The following ZNF736 variants were observed in gnomAD, a reference collection of about 807,000 sequenced individuals.
ZNF736 encodes zinc finger protein 736.
ZNF736 carries 6 observed loss-of-function variants against 11.7 expected under a neutral mutation model. The observed-to-expected ratio is 0.51, with a 90% CI of 0.28 to 1.01. The LOEUF is 1.01. Ranked by LOEUF, ZNF736 falls within the 50% of genes least tolerant of loss-of-function variation. ZNF736 has a pLI of 0.09. For synonymous variants in ZNF736, 139 were observed against 164.7 expected (o/e 0.84, Z 1.19); for missense variants, 444 against 496.0 (o/e 0.90, Z 1.00).
intron 1 of ZNF736, among the ~76,000 whole-genome samples, chr7:64,327,668 T>C (rs952216375): frequency 2.0e-5 from 3 of 152,214 alleles, no homozygotes; most frequent in Non-Finnish European, 4.4e-5. Context: ...TTTCTAGTGG[T>C]ACGTTTTAAT....
chr7:64,316,637 A>T lies in ZNF736; in HGVS notation c.3+2484A>T, dbSNP rs1409538151. On this transcript the variant is annotated intron_variant, in intron 1 of 3. Transcript: ENST00000423484. ...CTAAAACATTTGTGTTCCAGTCAGC[A>T]CTACTTCTCCCTGTGTTTGTCACCT... 2.6e-5 allele frequency among the ~76,000 whole-genome samples: 4 copies of T among 152,208 alleles called. No homozygotes were observed. In the East Asian group the frequency reaches 7.7e-4, roughly 29 times the overall value.
At chr7:64,343,960 T>TTA (rs1385293076) in intron 3 of ZNF736, among the ~76,000 whole-genome samples, 4 of 151,676 alleles carry the variant, frequency 2.6e-5, no homozygotes, top group East Asian at 1.9e-4. Context: ...TTGCTTTTTT[T>TTA]TTTTTTATTT....
Position 64,314,028 on chromosome 7 carries a change from C to T in ZNF736, c.-123C>T. ...GGGCTCTGATCCTAGTTCGCGTCTC[C>T]ACTGTTCCATCTCCTCCGTTCCTGG... On this transcript the variant is annotated 5_prime_UTR_variant, in exon 1 of 4. Coordinates refer to ENST00000423484, the MANE Select transcript of ZNF736 (RefSeq NM_001170905.3). 2.9e-6 allele frequency: 4 copies of T among 1,385,276 alleles called. No homozygotes were observed. The highest frequency in any genetic ancestry group is 4.0e-6 in the Non-Finnish European group (4 of 998,824). The allele number at this position is 1,385,276 out of a possible 1,614,324, so 85.8% of individuals were successfully genotyped here.
At chr7:64,342,590 T>C (rs572794293) in intron 3 of ZNF736, among the ~76,000 whole-genome samples, 1 of 152,222 alleles carries the variant, frequency 6.6e-6, no homozygotes, top group South Asian at 2.1e-4. Context: ...ACTATTATTT[T>C]ATAATTTTAT....
At chr7:64,337,756 G>GTTTTT (rs569147961) in intron 3 of ZNF736, among the ~76,000 whole-genome samples, 38 of 112,466 alleles carry the variant, frequency 3.4e-4, no homozygotes, top group Middle Eastern at 4.2e-3. Flanking sequence ...GTTTTTTTTG[G>GTTTTT]TTTTTTTTTT....
intron 1 of ZNF736, among the ~76,000 whole-genome samples, chr7:64,325,784 T>C (rs1219805657): frequency 1.3e-5 from 2 of 152,206 alleles, no homozygotes; most frequent in East Asian, 1.9e-4. Flanking sequence ...AACTTAGAAA[T>C]GTCTTTCTCT....
chr7:64,343,279 CCTTAT>C (rs1435020639), intron 3 of ZNF736, among the ~76,000 whole-genome samples: 1 of 151,956 alleles, frequency 6.6e-6, no homozygotes, highest in African/African-American at 2.4e-5. Flanking sequence ...AGCTGAAAGC[CCTTAT>C]CTTAAGTAAA....
rs1789437251 is a variant in ZNF736 at position 64,348,239 on chromosome 7, C to G, written c.376C>G (p.Gln126Glu). The G allele has an allele frequency of 1.3e-6, 2 of 1,551,738 alleles. No homozygotes were observed. The highest frequency in any genetic ancestry group is 3.9e-5 in the Admixed American group (2 of 50,970). Residue 126 changes from glutamine (Q) to glutamate (E), a missense_variant, in exon 4 of 4, where the codon CAG becomes GAG. Physicochemically the swap from Gln to Glu is conservative, Grantham distance 29 (BLOSUM62 2). Transcript: ENST00000423484. ...CCAAAGTGTGGGTAATTGCAAGGGG[C>G]AGAAAAGCAGTTATAATGGCCTTCA... is the stretch of plus-strand genomic sequence containing the variant. ...DYQSVGNCKG[Q>E]KSSYNGLHQC...
chr7:64,321,550 C>T (rs1227540507), intron 1 of ZNF736, among the ~76,000 whole-genome samples: 1 of 152,112 alleles, frequency 6.6e-6, no homozygotes, highest in Non-Finnish European at 1.5e-5. Context: ...ATTAAAATCT[C>T]CTGACTTTAG....
At chr7:64,328,453 G>A (rs1192671641) in intron 1 of ZNF736, among the ~76,000 whole-genome samples, 3 of 151,978 alleles carry the variant, frequency 2.0e-5, no homozygotes, top group African/African-American at 7.2e-5. Context: ...ACCTTTGAGA[G>A]TTTTATTAAA....
In ZNF736 at chr7:64,319,355, A is replaced by G. The variant is rs866340965; in HGVS notation, c.3+5202A>G. Among the ~76,000 whole-genome samples the G allele has an allele frequency of 9.6e-4, 105 of 109,546 alleles. 2 individuals carry two copies. The highest frequency in any genetic ancestry group is 1.9e-3 in the African/African-American group (44 of 23,572). 71.9% of individuals were successfully genotyped at this position (109,546 alleles called of 152,430 possible). A position where few individuals can be genotyped will look rare whatever the true frequency, so the allele number is the denominator to read the frequency against. On this transcript the variant is annotated intron_variant, in intron 1 of 3. Transcript: ENST00000423484. ...TGTGTATATATATATATATATATAT[A>G]TATATATATATATATATATATATAT...
At position 64,349,619 on chromosome 7, in the gene ZNF736, T is replaced by C. The variant is rs1429729043; in HGVS notation, c.*472T>C. On this transcript the variant is annotated 3_prime_UTR_variant, in exon 4 of 4. Transcript: ENST00000423484. ...TTCTGTTATTAGGATCTTAGCTGGC[T>C]ATTTTGCACATTTGTTTCTGTGGTT... 6.5e-6 allele frequency: 1 copy of C among 154,780 alleles called. No homozygotes were observed. Among genetic ancestry groups the C allele is most frequent in the African/African-American group, 2.4e-5 (1 of 41,474 alleles). 9.6% of individuals were successfully genotyped at this position (154,780 alleles called of 1,614,324 possible).
rs1330768625 is a variant in ZNF736, at chr7:64,351,436, C to T, written c.*2289C>T. ...AGTCATAGGGGCTGCTTTGCTGGAG[C>T]TCTTCATGAGTCAGGCATGTCCCTC... On this transcript the variant is annotated 3_prime_UTR_variant, in exon 4 of 4. Coordinates refer to ENST00000423484, the MANE Select transcript of ZNF736 (RefSeq NM_001170905.3). 6.6e-6 allele frequency: 1 copy of T among 152,368 alleles called. No individual in the cohort carries two copies. The highest frequency in any genetic ancestry group is 1.5e-5 in the Non-Finnish European group (1 of 68,186). 9.4% of individuals were successfully genotyped at this position (152,368 alleles called of 1,614,324 possible).
At chr7:64,318,758 T>A (rs143893742) in intron 1 of ZNF736, among the ~76,000 whole-genome samples, 1 of 152,246 alleles carries the variant, frequency 6.6e-6, no homozygotes, top group Non-Finnish European at 1.5e-5. Flanking sequence ...ACAAAGACAT[T>A]TATAGACATA....
chr7:64,349,138 C>T lies in ZNF736; in HGVS notation c.1275C>T (p.His425=). ...GAATTCATACTAGAGAGAAGCTCCA[C>T]AAGTGTTAAAAATGTGGAAAAGCCT... ...HKRIHTREKL[H]KC is the part of the protein sequence containing the mutation. Residue 425 remains histidine (H), a synonymous_variant, in exon 4 of 4, where the codon CAC becomes CAT. Transcript: ENST00000423484. The T allele has an allele frequency of 6.5e-7, 1 of 1,532,282 alleles. No homozygotes were observed. Among genetic ancestry groups the T allele is most frequent in the South Asian group, 1.3e-5 (1 of 79,994 alleles). 94.9% of individuals were successfully genotyped at this position (1,532,282 alleles called of 1,614,324 possible).
intron 1 of ZNF736, among the ~76,000 whole-genome samples, chr7:64,326,189 A>T (rs894374525): frequency 1.3e-5 from 2 of 152,224 alleles, no homozygotes; most frequent in Non-Finnish European, 2.9e-5. Context: ...ATGTTTTCCA[A>T]ACACTGTACA....
intron 1 of ZNF736, among the ~76,000 whole-genome samples, chr7:64,333,276 G>T (rs533198603): frequency 5.7e-4 from 86 of 152,212 alleles, no homozygotes; most frequent in African/African-American, 1.9e-3. Context: ...TAGTCAAGGG[G>T]CTCTGAGAAA....
At position 64,354,352 on chromosome 7, in the gene ZNF736, CAT is replaced by C. The variant is rs772284335; in HGVS notation, c.*5208_*5209del. The C allele has an allele frequency of 2.6e-5, 4 of 151,974 alleles. No homozygotes were observed. The highest frequency in any genetic ancestry group is 5.9e-5 in the Non-Finnish European group (4 of 67,978). The allele number at this position is 151,974 out of a possible 1,614,324, so 9.4% of individuals were successfully genotyped here. ...GTAACAGATTTATAGAGAAAGTAAT[CAT>C]ATTTGTTTATGGTTGTGTACCTACT... On this transcript the variant is annotated 3_prime_UTR_variant, in exon 4 of 4. Transcript: ENST00000423484.
At chr7:64,314,523 G>A (rs1788884275) in intron 1 of ZNF736, among the ~76,000 whole-genome samples, 1 of 152,084 alleles carries the variant, frequency 6.6e-6, no homozygotes, top group Admixed American at 6.5e-5. Context: ...GTGGGCCGTG[G>A]GGTCCCTAGT....
Sources: allele counts gnomAD v4.1 joint callset (sites outside exome capture counted in the v4.1 genomes callset), GRCh38; gene constraint gnomAD v4.1.1; transcripts MANE v1.5; gene names NCBI Gene and HGNC (gene_info 2026-07-23, HGNC 2026-07-21).